Variants in PRELID2 observed in about 807,000 individuals in gnomAD.
PRELID2 encodes the protein PRELI domain containing 2.
Under a neutral mutation model 28.4 loss-of-function variants are expected in PRELID2, and 25 were observed. That is an observed-to-expected ratio of 0.88 (90% confidence interval 0.64 to 1.23). The LOEUF is 1.23. Ranked by LOEUF, PRELID2 falls within the 50% of genes most tolerant of loss-of-function variation. PRELID2 has a pLI of 0.00. For synonymous variants in PRELID2, 76 were observed against 71.6 expected, an observed-to-expected ratio of 1.06 and a Z score of -0.31; for missense variants, 201 against 214.4, an observed-to-expected ratio of 0.94 and a Z score of 0.39.
At position 145,604,849 on chromosome 5, in the gene PRELID2, C is replaced by T. The variant is rs546113269; in HGVS notation, n.71-131534G>A. ...TGATTTGCATTTCTCTAATAATTAG[C>T]GATGTTGACCATATTTTAATATGCT... On this transcript the variant is annotated intron_variant and non_coding_transcript_variant, in intron 1 of 2. Transcript: ENST00000510259. Among the ~76,000 whole-genome samples the T allele has an allele frequency of 3.8e-4, 46 of 120,912 alleles. 1 individual carries two copies. The highest frequency in any genetic ancestry group is 6.1e-4 in the Non-Finnish European group (38 of 62,110). The allele number at this position is 120,912 out of a possible 152,430, so 79.3% of individuals were successfully genotyped here. A position where few individuals can be genotyped will look rare whatever the true frequency, so the allele number is the denominator to read the frequency against.
the PRELID2 span, among the ~76,000 whole-genome samples, chr5:145,287,496 T>C: frequency 6.6e-6 from 1 of 152,172 alleles, no homozygotes; most frequent in Non-Finnish European, 1.5e-5. Flanking sequence ...CAGAATGATA[T>C]GCAATTTAAA....
the PRELID2 span, among the ~76,000 whole-genome samples, chr5:145,294,775 T>C: frequency 4.5e-4 from 69 of 152,260 alleles, no homozygotes; most frequent in Non-Finnish European, 9.1e-4. Flanking sequence ...GATGTTCTAT[T>C]TCTGCATTTA....
At chr5:145,712,604 G>A (rs1755724603) in intron 1 of PRELID2, among the ~76,000 whole-genome samples, 1 of 152,136 alleles carries the variant, frequency 6.6e-6, no homozygotes, top group Non-Finnish European at 1.5e-5. Context: ...AGCTGCTACT[G>A]TTCTTTTATA....
intron 1 of PRELID2, among the ~76,000 whole-genome samples, chr5:145,683,558 T>A (rs1292025897): frequency 1.3e-5 from 2 of 152,210 alleles, no homozygotes; most frequent in Non-Finnish European, 2.9e-5. Context: ...TCACATGGCC[T>A]CTCCTCTGTG....
chr5:145,429,650 G>A, the PRELID2 span, among the ~76,000 whole-genome samples: 1 of 152,140 alleles, frequency 6.6e-6, no homozygotes, highest in South Asian at 2.1e-4. Flanking sequence ...AATATCCAGG[G>A]AACCTAGTTC....
the PRELID2 span, among the ~76,000 whole-genome samples, chr5:145,430,921 C>T: frequency 6.7e-6 from 1 of 148,280 alleles, no homozygotes; most frequent in East Asian, 2.0e-4. Context: ...AGAGTGCTCA[C>T]TGGAGGAATT....
intron 1 of PRELID2, among the ~76,000 whole-genome samples, chr5:145,597,167 T>A (rs1753320719): frequency 6.6e-6 from 1 of 152,168 alleles, no homozygotes; most frequent in Admixed American, 6.6e-5. Context: ...CTGAGAAAAT[T>A]TATGACACTA....
the PRELID2 span, among the ~76,000 whole-genome samples, chr5:145,358,734 C>T: frequency 1.3e-5 from 2 of 152,090 alleles, no homozygotes; most frequent in Non-Finnish European, 2.9e-5. Flanking sequence ...TGACATTGAT[C>T]CTTGGATGAA....
At chr5:145,476,580 G>A (rs1398201051) in intron 1 of PRELID2, among the ~76,000 whole-genome samples, 1 of 152,092 alleles carries the variant, frequency 6.6e-6, no homozygotes, top group Non-Finnish European at 1.5e-5. Flanking sequence ...CGGAGGTGGA[G>A]GTTACAGTGA....
chr5:145,657,102 T>C (rs565127732), intron 1 of PRELID2, among the ~76,000 whole-genome samples: 5 of 152,266 alleles, frequency 3.3e-5, no homozygotes. Context: ...TTTATTTTGC[T>C]ATTCAAAATT....
rs1032321 is a variant in PRELID2, at chr5:145,815,107, G to T, written c.368+2787C>A. On this transcript the variant is annotated intron_variant, in intron 4 of 6. Coordinates refer to ENST00000683046, the MANE Select transcript of PRELID2 (RefSeq NM_205846.3). ...GGTTTTCATGAGGTCATGAGTTAGA[G>T]ACTGCATTTTGGGATTGGTGTCCTT... Among the ~76,000 whole-genome samples the T allele has an allele frequency of 3.0e-3, 463 of 152,304 alleles. 2 individuals carry two copies. Among genetic ancestry groups the T allele is most frequent in the African/African-American group, 0.01 (420 of 41,558 alleles).
chr5:145,741,234 TAATATA>T (rs1756716726), intron 1 of PRELID2, among the ~76,000 whole-genome samples: 2 of 113,476 alleles, frequency 1.8e-5, no homozygotes, highest in Admixed American at 1.1e-4. Context: ...ATATAATATA[TAATATA>T]AATATATAAT....
At chr5:145,525,653 C>T (rs1243837417) in intron 1 of PRELID2, among the ~76,000 whole-genome samples, 2 of 152,144 alleles carry the variant, frequency 1.3e-5, no homozygotes, top group Non-Finnish European at 1.5e-5. Context: ...GTGCTTCTCT[C>T]CTCAGGCAAA....
chr5:145,603,748 AG>A (rs1753452935), intron 1 of PRELID2, among the ~76,000 whole-genome samples: 1 of 152,132 alleles, frequency 6.6e-6, no homozygotes, highest in African/African-American at 2.4e-5. Flanking sequence ...TTAATTTGGG[AG>A]GGGGTAAATA....
chr5:145,251,759 C>T, the PRELID2 span, among the ~76,000 whole-genome samples: 1 of 152,052 alleles, frequency 6.6e-6, no homozygotes, highest in Admixed American at 6.6e-5. Context: ...CATTGACAAC[C>T]TTGCCTCTTC....
At chr5:145,694,314 G>A (rs554094211) in intron 1 of PRELID2, among the ~76,000 whole-genome samples, 1 of 152,006 alleles carries the variant, frequency 6.6e-6, no homozygotes, top group East Asian at 1.9e-4. Flanking sequence ...TGTCTCAATG[G>A]GATTAAGGGT....
chr5:145,249,792 A>G, the PRELID2 span, among the ~76,000 whole-genome samples: 13,149 of 152,144 alleles, frequency 0.086, 1,207 homozygotes, highest in African/African-American at 0.24. Flanking sequence ...TTACAGAAAA[A>G]AGACATAATT....
At chr5:145,651,866 C>T (rs773817896) in intron 1 of PRELID2, among the ~76,000 whole-genome samples, 6 of 152,198 alleles carry the variant, frequency 3.9e-5, no homozygotes, top group African/African-American at 7.2e-5. Flanking sequence ...TCCAAAGGAA[C>T]GCAGCTCCTC....
intron 1 of PRELID2, among the ~76,000 whole-genome samples, chr5:145,559,152 G>A (rs557006449): frequency 1.3e-5 from 2 of 152,176 alleles, no homozygotes; most frequent in East Asian, 1.9e-4. Context: ...CTACTCAGGA[G>A]GCTGAGGCAG....
Sources: allele counts gnomAD v4.1 joint callset (sites outside exome capture counted in the v4.1 genomes callset), GRCh38; gene constraint gnomAD v4.1.1; transcripts MANE v1.5; gene names NCBI Gene and HGNC (gene_info 2026-07-23, HGNC 2026-07-21).